RAD18: variants seen among roughly 807,000 people sequenced by gnomAD.
The protein encoded by RAD18 is E3 ubiquitin-protein ligase RAD18.
Under a neutral mutation model 60.4 loss-of-function variants are expected in RAD18, and 47 were observed. That is an observed-to-expected ratio of 0.78 (90% CI 0.62 to 0.99). The LOEUF (loss-of-function observed/expected upper bound fraction) is 0.99, where lower values mean the gene tolerates loss of function less well. Among genes scored for constraint, RAD18 ranks in the 50% least tolerant of loss-of-function variants. The pLI, the probability that RAD18 is intolerant of heterozygous loss-of-function variation, is 0.00. For missense variants in RAD18, 640 were observed against 593.3 expected, an observed-to-expected ratio of 1.08 and a Z score of -0.82; for synonymous variants, 225 against 195.5, an observed-to-expected ratio of 1.15 and a Z score of -1.26.
intron 7 of RAD18, among the ~76,000 whole-genome samples, chr3:8,920,702 T>A (rs966945114): frequency 1.6e-4 from 24 of 152,248 alleles, no homozygotes; most frequent in African/African-American, 5.5e-4. Flanking sequence ...AATCTGAATT[T>A]TCTGCCAGAA....
chr3:8,945,723 GC>G (rs1398804214), intron 4 of RAD18, among the ~76,000 whole-genome samples: 1 of 151,928 alleles, frequency 6.6e-6, no homozygotes, highest in Non-Finnish European at 1.5e-5. Context: ...ACCCACCTCG[GC>G]CTCCGAAAGT....
chr3:8,929,600 CA>C (rs1335404069), intron 7 of RAD18, among the ~76,000 whole-genome samples: 2 of 151,576 alleles, frequency 1.3e-5, no homozygotes, highest in African/African-American at 4.8e-5. Context: ...AGGAAAAAGA[CA>C]GACTAACAGG....
At chr3:8,893,960 C>T (rs1299974119) in intron 11 of RAD18, among the ~76,000 whole-genome samples, 8 of 152,150 alleles carry the variant, frequency 5.3e-5, no homozygotes, top group African/African-American at 1.9e-4. Context: ...TCTCAAAGTG[C>T]TGGGATTACA....
chr3:8,895,637 CTTTT>C (rs58646500), intron 11 of RAD18, among the ~76,000 whole-genome samples: 7 of 151,766 alleles, frequency 4.6e-5, no homozygotes, highest in East Asian at 3.9e-4. Context: ...TACTTGCTCT[CTTTT>C]TTTTTTGTTT....
chr3:8,955,135 T>C (rs969409256), intron 2 of RAD18, among the ~76,000 whole-genome samples: 8 of 152,254 alleles, frequency 5.3e-5, no homozygotes, highest in Non-Finnish European at 1.0e-4. Flanking sequence ...GTTTCTGAGC[T>C]GCCTGAATCT....
chr3:8,925,754 AAC>A (rs1940421836), intron 7 of RAD18, among the ~76,000 whole-genome samples: 1 of 152,238 alleles, frequency 6.6e-6, no homozygotes, highest in African/African-American at 2.4e-5. Flanking sequence ...AGGCTGGTTC[AAC>A]ATATGCAAAT....
intron 7 of RAD18, among the ~76,000 whole-genome samples, chr3:8,917,279 C>T (rs1207275955): frequency 1.3e-5 from 2 of 152,116 alleles, no homozygotes; most frequent in Non-Finnish European, 2.9e-5. Flanking sequence ...GTATTATTAG[C>T]AGCCCTCCAT....
chr3:8,882,123 C>T (rs548395161), intron 12 of RAD18, among the ~76,000 whole-genome samples: 122 of 126,870 alleles, frequency 9.6e-4, no homozygotes, highest in African/African-American at 3.4e-3. Context: ...TCAGTGGCTA[C>T]GGGGGACAGG....
chr3:8,899,121 T>A (rs1939856517), intron 10 of RAD18, 74 bp from the exon 11 acceptor site: 1 of 1,178,266 alleles, frequency 8.5e-7, no homozygotes, highest in Non-Finnish European at 1.2e-6. Flanking sequence ...CAACACTTAA[T>A]ACTGCCATGT....
rs1940752963 is a variant in RAD18 at position 8,941,821 on chromosome 3, C to T, written c.267-17G>A. The T allele has an allele frequency of 1.3e-6, 2 of 1,572,286 alleles. No homozygotes were observed. Among genetic ancestry groups the T allele is most frequent in the Non-Finnish European group, 1.7e-6 (2 of 1,151,286 alleles). On this transcript the variant is annotated splice_polypyrimidine_tract_variant and intron_variant, in intron 4 of 12. Transcript: ENST00000264926. Reference sequence around the variant, plus strand: ...AGATGATTCCTTGAAGCACAAAGAACACAACAGACAATTAAGAGATCCAAT... The same window carrying T: ...AGATGATTCCTTGAAGCACAAAGAATACAACAGACAATTAAGAGATCCAAT...
chr3:8,899,134 A>G, intron 10 of RAD18, 87 bp from the exon 11 acceptor site: 1 of 1,066,092 alleles, frequency 9.4e-7, no homozygotes, highest in Non-Finnish European at 1.3e-6. Context: ...TGCCATGTGC[A>G]CTTAGTAAAG....
chr3:8,947,201 T>A lies in RAD18; in HGVS notation c.266+19A>T. ...AAAGGCAAAAGTAGTTAGAGGTTAG[T>A]CACAAAATTAAATCATACCGTGCAA... On this transcript the variant is annotated intron_variant, in intron 4 of 12. Transcript: ENST00000264926. 5 of 1,562,162 alleles carry A rather than the reference T, an allele frequency of 3.2e-6. No homozygotes were observed. The highest frequency in any genetic ancestry group is 4.4e-6 in the Non-Finnish European group (5 of 1,134,526).
At chr3:8,909,345 T>A (rs147521725) in intron 9 of RAD18, among the ~76,000 whole-genome samples, 5 of 152,310 alleles carry the variant, frequency 3.3e-5, no homozygotes, top group East Asian at 1.9e-4. Context: ...AATGGCATGA[T>A]GTGAAGACTC....
Position 8,898,985 on chromosome 3 carries a change from C to T in RAD18, c.1231G>A (p.Glu411Lys). 3 of 1,610,460 alleles carry T rather than the reference C, an allele frequency of 1.9e-6. No homozygotes were observed. The highest frequency in any genetic ancestry group is 2.5e-6 in the Non-Finnish European group (3 of 1,177,620). ...HFSQSKLDSPEELEPDREEDS... is the reference protein window; with the variant it reads ...HFSQSKLDSPKELEPDREEDS... The stretch of plus-strand genomic sequence containing the variant: ...TCTTCTCTGTCAGGTTCCAATTCCT[C>T]TGGGGAGTCCAGCTTTGATTGAGAA... Residue 411 changes from glutamate to lysine, a missense_variant, in exon 11 of 13, where the codon GAG (glutamate) becomes AAG (lysine). Coordinates refer to ENST00000264926, the MANE Select transcript of RAD18 (RefSeq NM_020165.4).
At chr3:8,890,922 T>C (rs925813051) in intron 11 of RAD18, among the ~76,000 whole-genome samples, 4 of 152,178 alleles carry the variant, frequency 2.6e-5, no homozygotes, top group Non-Finnish European at 5.9e-5. Flanking sequence ...CTTAAGGTAC[T>C]GTTTCTCAAG....
intron 4 of RAD18, among the ~76,000 whole-genome samples, chr3:8,944,775 G>C (rs916912769): frequency 6.6e-6 from 1 of 152,144 alleles, no homozygotes; most frequent in Admixed American, 6.5e-5. Flanking sequence ...ATAGGCCTTT[G>C]GGTAGACATG....
chr3:8,884,477 T>C (rs1356309226), intron 12 of RAD18, among the ~76,000 whole-genome samples: 1 of 152,222 alleles, frequency 6.6e-6, no homozygotes, highest in Non-Finnish European at 1.5e-5. Flanking sequence ...AAATTTTTTA[T>C]CTTAATGTTT....
chr3:8,917,692 A>G (rs1327831165), intron 7 of RAD18, among the ~76,000 whole-genome samples: 1 of 98,044 alleles, frequency 1.0e-5, no homozygotes, highest in East Asian at 2.2e-4. Context: ...AAAATGCTCA[A>G]TCCAAAAAAC....
chr3:8,916,714 CAGTAACAGAT>C (rs1190981425), intron 7 of RAD18, among the ~76,000 whole-genome samples: 9 of 151,564 alleles, frequency 5.9e-5, no homozygotes, highest in Admixed American at 3.3e-4. Context: ...AAAACCAACA[CAGTAACAGAT>C]AACTTGACTC....
Sources: gnomAD v4.1 joint callset for allele counts (sites outside exome capture counted in the v4.1 genomes callset) on GRCh38, gnomAD v4.1.1 for gene constraint, MANE v1.5 for transcripts, NCBI Gene and HGNC (gene_info 2026-07-23, HGNC 2026-07-21) for gene names.